The following ECM1 variants were observed in gnomAD, a reference collection of about 807,000 sequenced individuals.
The protein encoded by ECM1 is extracellular matrix protein 1.
Under a neutral mutation model 57.9 loss-of-function variants are expected in ECM1, and 54 were observed. The observed-to-expected ratio is 0.93, with a 90% CI of 0.75 to 1.17. ECM1 has a LOEUF of 1.17. ECM1 is among the 50% of genes most tolerant of loss of function. The pLI is 0.00. For missense variants in ECM1, 649 were observed against 688.1 expected (o/e 0.94, Z 0.64); for synonymous variants, 237 against 259.1 (o/e 0.91, Z 0.82).
Position 150,509,934 on chromosome 1 carries a change from CCT to C in ECM1, c.240_241del (p.Gln81GlyfsTer18). 1 of 1,614,148 alleles carries C rather than the reference CCT, an allele frequency of 6.2e-7. No homozygotes were observed. The highest frequency in any genetic ancestry group is 8.5e-7 in the Non-Finnish European group (1 of 1,179,998). On this transcript the variant is annotated frameshift_variant, in exon 4 of 10. Coordinates refer to ENST00000369047, the MANE Select transcript of ECM1 (RefSeq NM_004425.4). LOFTEE classifies it high-confidence loss of function. ...CCCCCTTCTATAGTGCAGCCCCCTC[CCT>C]CTCAGGAGGCCACCCCTCTCCAACA...
chr1:150,510,768 C>A, intron 5 of ECM1, 108 bp from the exon 6 acceptor site: 1 of 1,137,960 alleles, frequency 8.8e-7, no homozygotes, highest in Non-Finnish European at 1.3e-6. Flanking sequence ...CCACTATATC[C>A]TCCCAACCCT....
Position 150,509,704 on chromosome 1 carries a change from C to G in ECM1, c.165C>G (p.Leu55=). The G allele has an allele frequency of 6.2e-7, 1 of 1,600,310 alleles. No homozygotes were observed. The highest frequency in any genetic ancestry group is 8.5e-7 in the Non-Finnish European group (1 of 1,169,970). ...CCTCCCCACCCCTATCCCGAAGCCT[C>G]CCCATGGATCACCCTGACTCCTCTC... ...APPSPPLSRS[L]PMDHPDSSQH... Residue 55 remains leucine, a synonymous_variant, in exon 3 of 10, where the codon CTC becomes CTG. Transcript: ENST00000369047.
At position 150,512,532 on chromosome 1, in the gene ECM1, A is replaced by G. The variant is rs759878250; in HGVS notation, c.1264A>G (p.Met422Val). ...IDIGRVTPNL[M>V]GHLCGNQRVL... ...CATCGGTCGAGTCACCCCCAACCTCATGGGCCACCTCTGTGGAAACCAAAG... is the reference window on the plus strand; with the variant it reads ...CATCGGTCGAGTCACCCCCAACCTCGTGGGCCACCTCTGTGGAAACCAAAG... The change falls in exon 8 of 10, where the codon ATG becomes GTG. Residue 422 changes from methionine to valine, a missense_variant. Met to Val is a conservative substitution (Grantham distance 21). Transcript: ENST00000369047. 1.2e-6 allele frequency: 2 copies of G among 1,613,552 alleles called. No homozygotes were observed. The highest frequency in any genetic ancestry group is 1.7e-5 in the Admixed American group (1 of 59,908).
At chr1:150,508,332 T>C in intron 1 of ECM1, 53 bp downstream of exon 1, 2 of 1,552,110 alleles carry the variant, frequency 1.3e-6, no homozygotes, top group Non-Finnish European at 1.8e-6. Context: ...ATGGCAGGGG[T>C]CTGGGTCCAG....
At chr1:150,510,231 C>A in intron 5 of ECM1, 49 bp downstream of exon 5, 1 of 1,564,530 alleles carries the variant, frequency 6.4e-7, no homozygotes. Flanking sequence ...ATGGCCTTCC[C>A]CCAGAGCATG....
Position 150,509,958 on chromosome 1 carries a change from A to T in ECM1, c.260A>T (p.Gln87Leu). The change falls in exon 4 of 10, where the codon CAA (glutamine) becomes CTA (leucine). Residue 87 changes from glutamine to leucine, a missense_variant. By Grantham distance (113) the Gln-to-Leu change is moderately radical. Transcript: ENST00000369047. ...PPPSQEATPL[Q>L]QEKLLPAQLP... Reference sequence around the variant, plus strand: ...CCCTCTCAGGAGGCCACCCCTCTCCAACAGGAAAAGCTGCTACCTGCCCAA... The same window carrying T: ...CCCTCTCAGGAGGCCACCCCTCTCCTACAGGAAAAGCTGCTACCTGCCCAA... 6.2e-7 allele frequency: 1 copy of T among 1,614,024 alleles called. No individual in the cohort carries two copies. Among genetic ancestry groups the T allele is most frequent in the Non-Finnish European group, 8.5e-7 (1 of 1,179,972 alleles).
Position 150,510,020 on chromosome 1 carries a change from C to T in ECM1, c.304+18C>T. On this transcript the variant is annotated intron_variant, in intron 4 of 9. Transcript: ENST00000369047. Reference sequence around the variant, plus strand: ...AAAGGAAGGTGAGCGCTTGCCCACCCTCCCTCACCTCTATCCCACTATGGA... The same window carrying T: ...AAAGGAAGGTGAGCGCTTGCCCACCTTCCCTCACCTCTATCCCACTATGGA... 6.2e-7 allele frequency: 1 copy of T among 1,614,112 alleles called. No homozygotes were observed.
chr1:150,512,248 C>G, intron 7 of ECM1, 104 bp from the exon 8 acceptor site: 2 of 1,325,190 alleles, frequency 1.5e-6, no homozygotes, highest in South Asian at 2.4e-5. Context: ...GCCTCTCGGG[C>G]TGGGAGCCCC....
In ECM1 at chr1:150,512,592, C is replaced by T; in HGVS notation, c.1304+20C>T. On this transcript the variant is annotated intron_variant, in intron 8 of 9. Coordinates refer to ENST00000369047, the MANE Select transcript of ECM1 (RefSeq NM_004425.4). ...CAAGCAGTAAGTTGCCTAGTCCTTC[C>T]CCACTCTCTTCCTTTCCCGAAAACT... 1 of 1,613,758 alleles carries T rather than the reference C, an allele frequency of 6.2e-7. No individual in the cohort carries two copies. The highest frequency in any genetic ancestry group is 8.5e-7 in the Non-Finnish European group (1 of 1,179,750).
Position 150,512,753 on chromosome 1 carries a change from A to G in ECM1, c.1333A>G (p.Met445Val). The G allele has an allele frequency of 1.2e-6, 2 of 1,613,984 alleles. No individual in the cohort carries two copies. The highest frequency in any genetic ancestry group is 1.7e-6 in the Non-Finnish European group (2 of 1,179,970). The change falls in exon 9 of 10, where the codon ATG (methionine) becomes GTG (valine). Residue 445 changes from methionine to valine, a missense_variant. By Grantham distance (21) the Met-to-Val change is conservative (BLOSUM62 1). Transcript: ENST00000369047. ...HKHIPGLIHN[M>V]TARCCDLPFP... ...ACATATTCCTGGGCTGATCCACAAC[A>G]TGACTGCCCGCTGCTGTGACCTGCC... is the stretch of plus-strand genomic sequence containing the variant.
rs372122668 is a variant in ECM1, at chr1:150,511,175, C to T, written c.685C>T (p.Arg229Cys). The T allele has an allele frequency of 3.7e-5, 59 of 1,614,192 alleles. No homozygotes were observed. The South Asian group carries it at 4.1e-4, about 11-fold the overall frequency. The change falls in exon 6 of 10, where the codon CGC becomes TGC. Residue 229 changes from arginine (R) to cysteine (C), a missense_variant. Coordinates refer to ENST00000369047, the MANE Select transcript of ECM1 (RefSeq NM_004425.4). Reference sequence around the variant, plus strand: ...CTGCCACTGCCGCAGCCACACAAACCGCCTAGAGTGTGCCAAACTTGTGGT... The same window carrying T: ...CTGCCACTGCCGCAGCCACACAAACTGCCTAGAGTGTGCCAAACTTGTGGT... ...RCCHCRSHTN[R>C]LECAKLVWEE...
intron 7 of ECM1, 144 bp downstream of exon 7, chr1:150,511,975 C>A: frequency 8.3e-7 from 1 of 1,199,968 alleles, no homozygotes; most frequent in Non-Finnish European, 1.1e-6. Context: ...GTCCGTCCAT[C>A]CATTGTGTTT....
chr1:150,510,031 CTA>C, intron 4 of ECM1, 29 bp downstream of exon 4: 1 of 1,614,132 alleles, frequency 6.2e-7, no homozygotes, highest in Non-Finnish European at 8.5e-7. Flanking sequence ...TCCCTCACCT[CTA>C]TCCCACTATG....
chr1:150,513,573 C>G lies in ECM1; in HGVS notation c.*106C>G. On this transcript the variant is annotated 3_prime_UTR_variant, in exon 10 of 10. Transcript: ENST00000369047. ...CTCTTGGATTTGGTGTCCTCATTGT[C>G]TATCTAATGTCTCACCCGCAGTGTT... 9.1e-7 allele frequency: 1 copy of G among 1,093,078 alleles called. No individual in the cohort carries two copies. Among genetic ancestry groups the G allele is most frequent in the East Asian group, 2.7e-5 (1 of 37,660 alleles). 67.7% of individuals were successfully genotyped at this position (1,093,078 alleles called of 1,614,324 possible).
intron 3 of ECM1, 22 bp from the exon 4 acceptor site, chr1:150,509,900 T>C: frequency 6.2e-7 from 1 of 1,614,052 alleles, no homozygotes; most frequent in Non-Finnish European, 8.5e-7. Context: ...GGTGGGCTGC[T>C]CACACATTCC....
rs755352663 is a variant in ECM1 at position 150,509,707 on chromosome 1, C to T, written c.168C>T (p.Pro56=). 3.1e-6 allele frequency: 5 copies of T among 1,613,964 alleles called. No homozygotes were observed. In the East Asian group the frequency reaches 6.7e-5, roughly 22 times the overall value. ...CCCCACCCCTATCCCGAAGCCTCCC[C>T]ATGGATCACCCTGACTCCTCTCAGC... ...PPSPPLSRSL[P]MDHPDSSQHG... The change falls in exon 3 of 10, where the codon CCC becomes CCT. Residue 56 remains proline (P), a synonymous_variant. Transcript: ENST00000369047.
In ECM1 at chr1:150,512,585, G is replaced by A. The variant is rs1560267054; in HGVS notation, c.1304+13G>A. 6.2e-7 allele frequency: 1 copy of A among 1,613,752 alleles called. No homozygotes were observed. The highest frequency in any genetic ancestry group is 1.1e-5 in the South Asian group (1 of 91,068). On this transcript the variant is annotated intron_variant, in intron 8 of 9. Coordinates refer to ENST00000369047, the MANE Select transcript of ECM1 (RefSeq NM_004425.4). ...TTCTCACCAAGCAGTAAGTTGCCTA[G>A]TCCTTCCCCACTCTCTTCCTTTCCC...
intron 1 of ECM1, 109 bp downstream of exon 1, chr1:150,508,388 T>G (rs1250445671): frequency 1.7e-6 from 2 of 1,164,934 alleles, no homozygotes; most frequent in Admixed American, 3.4e-5. Flanking sequence ...TCCGTTTGGC[T>G]TTCCTTTTCT....
rs756853467 is a variant in ECM1 at position 150,513,362 on chromosome 1, C to T, written c.1518C>T (p.Asn506=). Residue 506 remains asparagine, a synonymous_variant, in exon 10 of 10, where the codon AAC becomes AAT. Transcript: ENST00000369047. ...VNCFNINYLR[N]VALVSGDTEN... is the part of the protein sequence containing the mutation. The stretch of plus-strand genomic sequence containing the variant: ...GCTTCAACATCAATTATCTGAGGAA[C>T]GTGGCTCTAGTGTCTGGAGACACTG... 1.1e-5 allele frequency: 17 copies of T among 1,614,082 alleles called. No homozygotes were observed. Among genetic ancestry groups the T allele is most frequent in the African/African-American group, 1.3e-5 (1 of 74,926 alleles).
Sources: allele counts gnomAD v4.1 joint callset, GRCh38; gene constraint gnomAD v4.1.1; transcripts MANE v1.5; gene names NCBI Gene and HGNC (gene_info 2026-07-23, HGNC 2026-07-21).